DGKB: variants seen among roughly 807,000 people sequenced by gnomAD.
DGKB encodes 90 kDa diacylglycerol kinase.
DGKB carries 67 observed loss-of-function variants against 114.3 expected under a neutral mutation model. That is an observed-to-expected ratio of 0.59 (90% confidence interval 0.48 to 0.72). DGKB has a LOEUF of 0.72. Ranked by LOEUF, DGKB falls within the 30% of genes least tolerant of loss-of-function variation. The probability of loss-of-function intolerance (pLI) is 0.00; values close to 1 mark genes in which losing one functional copy is unlikely to be tolerated. For missense variants in DGKB, 907 were observed against 975.2 expected, an observed-to-expected ratio of 0.93 and a Z score of 0.93; for synonymous variants, 398 against 323.1, an observed-to-expected ratio of 1.23 and a Z score of -2.49.
rs553646720 is a variant in DGKB at position 14,961,945 on chromosome 7, G to A, written c.-188+12751C>T. Among the ~76,000 whole-genome samples the A allele has an allele frequency of 7.6e-4, 115 of 152,050 alleles. 1 individual carries two copies. The highest frequency in any genetic ancestry group is 2.5e-3 in the African/African-American group (105 of 41,494). On this transcript the variant is annotated intron_variant, in intron 1 of 4. Coordinates refer to the DGKB transcript ENST00000437998. Reference sequence around the variant, plus strand: ...TACTAGTAACACAGCCCAAAGTATTGCACACTAATTAACCATGTTATCTAT... The same window carrying A: ...TACTAGTAACACAGCCCAAAGTATTACACACTAATTAACCATGTTATCTAT...
chr7:14,673,260 G>A (rs575967537), intron 12 of DGKB, among the ~76,000 whole-genome samples: 3 of 152,044 alleles, frequency 2.0e-5, no homozygotes, highest in African/African-American at 7.2e-5. Context: ...ATAATTCTCA[G>A]AAATGTTTAT....
intron 1 of DGKB, among the ~76,000 whole-genome samples, chr7:14,896,807 A>G (rs1164455134): frequency 1.3e-5 from 2 of 151,832 alleles, no homozygotes; most frequent in Admixed American, 6.6e-5. Flanking sequence ...TTCAAGTCCT[A>G]TATCATCAAA....
intron 20 of DGKB, among the ~76,000 whole-genome samples, chr7:14,537,517 C>T (rs1191375455): frequency 6.6e-6 from 1 of 152,022 alleles, no homozygotes; most frequent in Non-Finnish European, 1.5e-5. Context: ...ATGAAGATGC[C>T]AAGAATACAC....
In DGKB at chr7:14,529,342, T is replaced by G. The variant is rs1379753808; in HGVS notation, c.1770+44870A>C. Among the ~76,000 whole-genome samples the G allele has an allele frequency of 2.4e-4, 36 of 151,864 alleles. 1 individual carries two copies. Among genetic ancestry groups the G allele is most frequent in the Admixed American group, 2.4e-3 (36 of 15,192 alleles). On this transcript the variant is annotated intron_variant, in intron 20 of 25. Coordinates refer to ENST00000402815, the MANE Select transcript of DGKB (RefSeq NM_001350709.2). ...ATGTGTTTGTTATAAAAGTTGAAAA[T>G]CAACTATTTTGTTGAGCAGTGATGC...
chr7:14,923,983 C>CAAAAAAAAAAAGAAAAAAAAA (rs1784630195), intron 1 of DGKB, among the ~76,000 whole-genome samples: 1 of 76,188 alleles, frequency 1.3e-5, no homozygotes, highest in African/African-American at 7.3e-5. Flanking sequence ...AGCTCCATCT[C>CAAAAAAAAAAAGAAAAAAAAA]AAAAAAAAAA....
chr7:14,172,222 TCACTCAAAC>T (rs148443015), intron 25 of DGKB, among the ~76,000 whole-genome samples: 13,524 of 152,198 alleles, frequency 0.089, 819 homozygotes, highest in Admixed American at 0.19. Context: ...ACAGGAAGCC[TCACTCAAAC>T]CACATTTTAT....
intron 25 of DGKB, 93 bp downstream of exon 25, chr7:14,176,746 G>T: frequency 1.3e-6 from 2 of 1,553,500 alleles, no homozygotes; most frequent in East Asian, 2.3e-5. Flanking sequence ...AGGTTGAAAA[G>T]AAATAAAGAA....
intron 1 of DGKB, among the ~76,000 whole-genome samples, chr7:14,873,949 CAT>C (rs1313876547): frequency 6.6e-6 from 1 of 151,896 alleles, no homozygotes; most frequent in Non-Finnish European, 1.5e-5. Context: ...TTAATCAAAA[CAT>C]AAAAATAGAA....
At chr7:14,759,664 T>G (rs569444293) in intron 2 of DGKB, among the ~76,000 whole-genome samples, 1 of 152,214 alleles carries the variant, frequency 6.6e-6, no homozygotes, top group Non-Finnish European at 1.5e-5. Flanking sequence ...TATCAGCTGA[T>G]GTACATTCAA....
intron 13 of DGKB, among the ~76,000 whole-genome samples, chr7:14,657,963 TGACA>T (rs1441287739): frequency 6.6e-6 from 1 of 151,958 alleles, no homozygotes; most frequent in African/African-American, 2.4e-5. Flanking sequence ...ACAAACTTTC[TGACA>T]TTGCTGAGAA....
chr7:14,407,582 C>A (rs188880315), intron 21 of DGKB, among the ~76,000 whole-genome samples: 174 of 152,188 alleles, frequency 1.1e-3, no homozygotes, highest in Middle Eastern at 3.4e-3. Flanking sequence ...CAAATTAAAA[C>A]CTCAACTCAC....
intron 23 of DGKB, among the ~76,000 whole-genome samples, chr7:14,240,052 G>A (rs1028006601): frequency 2.0e-5 from 3 of 151,956 alleles, no homozygotes; most frequent in Non-Finnish European, 4.4e-5. Context: ...ATAATGGAAA[G>A]AAACATGTGA....
At chr7:14,364,837 T>C (rs1816376878) in intron 21 of DGKB, among the ~76,000 whole-genome samples, 1 of 151,922 alleles carries the variant, frequency 6.6e-6, no homozygotes, top group African/African-American at 2.4e-5. Flanking sequence ...CACAGGAGCA[T>C]AAATCTCAAG....
chr7:14,691,763 T>G (rs1822908891), intron 9 of DGKB, among the ~76,000 whole-genome samples: 1 of 151,820 alleles, frequency 6.6e-6, no homozygotes, highest in South Asian at 2.1e-4. Context: ...GGGGGCGGAA[T>G]TTAGTCTCAG....
At chr7:14,290,789 C>A (rs1801636001) in intron 23 of DGKB, among the ~76,000 whole-genome samples, 1 of 152,132 alleles carries the variant, frequency 6.6e-6, no homozygotes, top group Non-Finnish European at 1.5e-5. Context: ...CCACAGGTAG[C>A]AACAGGCACC....
intron 3 of DGKB, among the ~76,000 whole-genome samples, chr7:14,754,168 A>C (rs1256542622): frequency 6.6e-6 from 1 of 152,082 alleles, no homozygotes; most frequent in African/African-American, 2.4e-5. Context: ...CCTCAGAAAC[A>C]CTGAATCTAA....
chr7:14,467,195 C>T (rs920537998), intron 21 of DGKB, among the ~76,000 whole-genome samples: 2 of 149,028 alleles, frequency 1.3e-5, no homozygotes, highest in South Asian at 2.1e-4. Flanking sequence ...TATTTTATTA[C>T]TTACTGTTTT....
chr7:14,890,597 G>A (rs1562825340), intron 1 of DGKB, among the ~76,000 whole-genome samples: 1 of 151,248 alleles, frequency 6.6e-6, no homozygotes, highest in Non-Finnish European at 1.5e-5. Flanking sequence ...GTAAATATGG[G>A]ATGTGTCTGA....
chr7:14,677,418 C>T (rs899304228), intron 12 of DGKB, among the ~76,000 whole-genome samples: 33 of 151,956 alleles, frequency 2.2e-4, no homozygotes, highest in African/African-American at 7.2e-4. Flanking sequence ...TGGGGTACTT[C>T]CTAAGACTGG....
Sources: gnomAD v4.1 joint callset for allele counts (sites outside exome capture counted in the v4.1 genomes callset) on GRCh38, gnomAD v4.1.1 for gene constraint, MANE v1.5 for transcripts, NCBI Gene and HGNC (gene_info 2026-07-23, HGNC 2026-07-21) for gene names.